The following PCDH7 variants were observed in gnomAD, a reference collection of about 807,000 sequenced individuals.
PCDH7 encodes the protein protocadherin 7.
PCDH7 carries 17 observed loss-of-function variants against 58.9 expected under a neutral mutation model. The ratio of observed to expected loss-of-function variants is 0.29; its 90% CI spans 0.20 to 0.43. PCDH7 has a LOEUF of 0.43. Ranked by LOEUF, PCDH7 falls within the 20% of genes least tolerant of loss-of-function variation. The pLI, the probability that PCDH7 is intolerant of heterozygous loss-of-function variation, is 1.00. For synonymous variants in PCDH7, 664 were observed against 616.4 expected (o/e 1.08, Z -1.14); for missense variants, 1,274 against 1,441.0 (o/e 0.88, Z 1.88).
At chr4:30,971,776 ACATGGCAAAACC>A (rs1239899814) in intron 3 of PCDH7, among the ~76,000 whole-genome samples, 1 of 152,190 alleles carries the variant, frequency 6.6e-6, no homozygotes, top group African/African-American at 2.4e-5. Context: ...AGTCTGAGCA[ACATGGCAAAACC>A]CAGTCTCAAC....
intron 2 of PCDH7, among the ~76,000 whole-genome samples, chr4:30,942,262 A>C (rs1746132964): frequency 1.3e-5 from 2 of 151,992 alleles, no homozygotes; most frequent in Admixed American, 6.6e-5. Context: ...CTCTTCTTAT[A>C]ACTTAATCTA....
chr4:30,837,565 C>T (rs956839497), intron 1 of PCDH7, among the ~76,000 whole-genome samples: 7 of 149,680 alleles, frequency 4.7e-5, no homozygotes, highest in Middle Eastern at 3.2e-3. Flanking sequence ...GAAAAAAAAA[C>T]GAGAATAGAG....
At chr4:30,924,338 C>A (rs1743569778) in intron 2 of PCDH7, among the ~76,000 whole-genome samples, 1 of 152,174 alleles carries the variant, frequency 6.6e-6, no homozygotes, top group Non-Finnish European at 1.5e-5. Context: ...TAAATCAACT[C>A]TGAAATCTTA....
chr4:30,782,129 G>GATCT (rs1489617914), intron 1 of PCDH7, among the ~76,000 whole-genome samples: 3 of 152,114 alleles, frequency 2.0e-5, no homozygotes, highest in Non-Finnish European at 4.4e-5. Context: ...AATCATGATA[G>GATCT]AGTATGATAT....
chr4:30,961,399 A>T (rs1291312299), intron 3 of PCDH7, among the ~76,000 whole-genome samples: 3 of 151,784 alleles, frequency 2.0e-5, no homozygotes, highest in East Asian at 2.0e-4. Flanking sequence ...AAAAAAAAAA[A>T]AAATTTGCCA....
chr4:30,965,412 C>T (rs1031003071), intron 3 of PCDH7, among the ~76,000 whole-genome samples: 1 of 151,728 alleles, frequency 6.6e-6, no homozygotes, highest in African/African-American at 2.4e-5. Flanking sequence ...TTATTTTTTC[C>T]AGCCTTTTAT....
chr4:30,968,390 A>ACAC (rs1195373627), intron 3 of PCDH7, among the ~76,000 whole-genome samples: 19 of 54,052 alleles, frequency 3.5e-4, no homozygotes, highest in African/African-American at 2.4e-3. Flanking sequence ...ATATATATAT[A>ACAC]TATATATATA....
At chr4:31,140,615 A>G (rs1260971977) in intron 3 of PCDH7, among the ~76,000 whole-genome samples, 2 of 151,504 alleles carry the variant, frequency 1.3e-5, no homozygotes, top group African/African-American at 4.8e-5. Context: ...GGTTAAAAAA[A>G]AAAAAAAAAG....
At chr4:30,967,202 T>C (rs1749072868) in intron 3 of PCDH7, among the ~76,000 whole-genome samples, 1 of 148,414 alleles carries the variant, frequency 6.7e-6, no homozygotes, top group African/African-American at 2.5e-5. Context: ...ATGATTGACA[T>C]TGCAAAAAGA....
chr4:30,725,124 T>C lies in PCDH7; in HGVS notation c.3174+528T>C, dbSNP rs577394406. On this transcript the variant is annotated intron_variant, in intron 1 of 1. Transcript: ENST00000361762. ...CAGATGTAGTACTAAGTCTGAGATA[T>C]TGAAATACTGACTACTTTGATGAAA... 8.5e-5 allele frequency: 85 copies of C among 999,640 alleles called. No individual in the cohort carries two copies. In the South Asian group the frequency reaches 3.1e-3, roughly 37 times the overall value. 61.9% of individuals were successfully genotyped at this position (999,640 alleles called of 1,614,324 possible).
chr4:31,058,934 G>A (rs1223964439), intron 3 of PCDH7, among the ~76,000 whole-genome samples: 1 of 151,966 alleles, frequency 6.6e-6, no homozygotes, highest in Non-Finnish European at 1.5e-5. Context: ...ACATGTAACT[G>A]ACTGCCGATC....
At chr4:31,000,469 C>A (rs1207972976) in intron 3 of PCDH7, among the ~76,000 whole-genome samples, 2 of 151,996 alleles carry the variant, frequency 1.3e-5, no homozygotes, top group Non-Finnish European at 2.9e-5. Flanking sequence ...CCAAAATAGG[C>A]AGTTTAAAAG....
chr4:30,793,642 C>CT (rs896281856), intron 1 of PCDH7, among the ~76,000 whole-genome samples: 2 of 152,030 alleles, frequency 1.3e-5, no homozygotes, highest in Admixed American at 1.3e-4. Context: ...TACACATATA[C>CT]TTTGTTCCTG....
chr4:30,843,059 G>T (rs1294942003), intron 1 of PCDH7, among the ~76,000 whole-genome samples: 1 of 149,072 alleles, frequency 6.7e-6, no homozygotes, highest in Admixed American at 6.7e-5. Context: ...ATAAACAAAT[G>T]ACTTTTTTTT....
At chr4:30,898,651 C>T (rs112042047) in intron 1 of PCDH7, among the ~76,000 whole-genome samples, 14,153 of 152,132 alleles carry the variant, frequency 0.093, 786 homozygotes, top group Non-Finnish European at 0.12. Flanking sequence ...AGTGCAGTGG[C>T]GCGATCTAAG....
chr4:31,000,842 G>A (rs749010879), intron 3 of PCDH7, among the ~76,000 whole-genome samples: 4 of 152,034 alleles, frequency 2.6e-5, no homozygotes, highest in Non-Finnish European at 4.4e-5. Flanking sequence ...GTAAAATGGT[G>A]ACAAAATGGA....
chr4:31,036,570 C>T (rs1755430710), intron 3 of PCDH7, among the ~76,000 whole-genome samples: 1 of 152,072 alleles, frequency 6.6e-6, no homozygotes, highest in African/African-American at 2.4e-5. Flanking sequence ...CATGTGAGGT[C>T]AACTTGGCAA....
At chr4:30,730,258 T>G (rs1281858017) in intron 1 of PCDH7, among the ~76,000 whole-genome samples, 1 of 152,048 alleles carries the variant, frequency 6.6e-6, no homozygotes, top group Non-Finnish European at 1.5e-5. Flanking sequence ...TAGTAAGAGC[T>G]GTTCCCATAT....
chr4:30,791,681 A>G (rs916533818), intron 1 of PCDH7, among the ~76,000 whole-genome samples: 2 of 152,232 alleles, frequency 1.3e-5, no homozygotes, highest in African/African-American at 4.8e-5. Context: ...CTGGTCTGCT[A>G]TAATTCAAAT....
Sources: allele counts gnomAD v4.1 joint callset (sites outside exome capture counted in the v4.1 genomes callset), GRCh38; gene constraint gnomAD v4.1.1; transcripts MANE v1.5; gene names NCBI Gene and HGNC (gene_info 2026-07-23, HGNC 2026-07-21).